KCNJ16: variants seen among roughly 807,000 people sequenced by gnomAD.
KCNJ16 encodes inward rectifier potassium channel 16.
In KCNJ16, 15 loss-of-function variants were observed where a neutral mutation model predicts 18.5. The observed-to-expected ratio is 0.81, with a 90% CI of 0.54 to 1.25. KCNJ16 has a LOEUF of 1.25. Ranked by LOEUF, KCNJ16 falls within the 50% of genes most tolerant of loss-of-function variation. KCNJ16 has a pLI of 0.00. For missense variants in KCNJ16, 523 were observed against 525.7 expected (o/e 0.99, Z 0.05); for synonymous variants, 174 against 186.5 (o/e 0.93, Z 0.55).
chr17:70,111,905 T>G (rs776844969), intron 2 of KCNJ16, among the ~76,000 whole-genome samples: 1 of 152,188 alleles, frequency 6.6e-6, no homozygotes, highest in Non-Finnish European at 1.5e-5. Flanking sequence ...AACCTCTTTT[T>G]CTGTATATAA....
chr17:70,104,589 G>T (rs1297582456), intron 2 of KCNJ16, among the ~76,000 whole-genome samples: 1 of 152,206 alleles, frequency 6.6e-6, no homozygotes, highest in Non-Finnish European at 1.5e-5. Context: ...GGTTGTACAA[G>T]ACCTAGAGGT....
At chr17:70,096,252 A>C (rs2072366834) in intron 1 of KCNJ16, among the ~76,000 whole-genome samples, 1 of 151,992 alleles carries the variant, frequency 6.6e-6, no homozygotes, top group Non-Finnish European at 1.5e-5. Context: ...ATACAGTCTG[A>C]TTTGGGTGGT....
chr17:70,098,466 A>G (rs1399265744), intron 1 of KCNJ16, among the ~76,000 whole-genome samples: 4 of 152,138 alleles, frequency 2.6e-5, no homozygotes, highest in Non-Finnish European at 4.4e-5. Flanking sequence ...TAAAAATTTA[A>G]GATAAATCAT....
At chr17:70,125,502 A>G (rs2073820923) in intron 2 of KCNJ16, among the ~76,000 whole-genome samples, 1 of 152,194 alleles carries the variant, frequency 6.6e-6, no homozygotes, top group Non-Finnish European at 1.5e-5. Flanking sequence ...TATTCTACAG[A>G]GGATGAAACT....
intron 2 of KCNJ16, among the ~76,000 whole-genome samples, chr17:70,109,335 G>C (rs1303157993): frequency 1.3e-5 from 2 of 152,004 alleles, no homozygotes; most frequent in Non-Finnish European, 2.9e-5. Context: ...CATATTTCAT[G>C]GGCATAAAAT....
intron 2 of KCNJ16, among the ~76,000 whole-genome samples, chr17:70,104,475 T>C (rs1462183383): frequency 6.6e-6 from 1 of 152,174 alleles, no homozygotes; most frequent in Admixed American, 6.5e-5. Flanking sequence ...CTGTTTGCCA[T>C]AGGTATAGGG....
At chr17:70,102,215 C>CTTTTTTTTT (rs10600577) in intron 2 of KCNJ16, 2 of 48,128 alleles carry the variant, frequency 4.2e-5, no homozygotes, top group African/African-American at 1.7e-4. Context: ...ACCAAAAGTA[C>CTTTTTTTTT]TTTTTTTTTT....
intron 2 of KCNJ16, among the ~76,000 whole-genome samples, chr17:70,124,943 G>A (rs181197138): frequency 6.7e-6 from 1 of 149,406 alleles, no homozygotes; most frequent in Admixed American, 6.6e-5. Flanking sequence ...AAGGAGCAGG[G>A]GATCTCCCAT....
chr17:70,084,675 C>A (rs2071714480), intron 1 of KCNJ16, among the ~76,000 whole-genome samples: 1 of 152,124 alleles, frequency 6.6e-6, no homozygotes, highest in Middle Eastern at 3.2e-3. Flanking sequence ...TACACTAACC[C>A]CAGTCCTTTT....
chr17:70,095,403 A>G (rs1250195992), intron 1 of KCNJ16, among the ~76,000 whole-genome samples: 2 of 152,124 alleles, frequency 1.3e-5, no homozygotes, highest in African/African-American at 4.8e-5. Context: ...TTCACTTCTA[A>G]CCTAGAACCA....
At chr17:70,104,872 G>T (rs150348809) in intron 2 of KCNJ16, 21 of 152,812 alleles carry the variant, frequency 1.4e-4, no homozygotes, top group African/African-American at 5.1e-4. Context: ...AGTGGCCTTT[G>T]TCTGTGGTGA....
In KCNJ16 at chr17:70,132,324, A is replaced by G. The variant is rs1266167616; in HGVS notation, c.237A>G (p.Leu79=). ...GCCATATGTTTGTGATATTTTCTTTATCTTATATTCTCTCGTGGTTGATAT... is the reference window on the plus strand; with the variant it reads ...GCCATATGTTTGTGATATTTTCTTTGTCTTATATTCTCTCGTGGTTGATAT... ...KWRHMFVIFS[L]SYILSWLIFG... Residue 79 remains leucine, a synonymous_variant, in exon 4 of 4, where the codon TTA becomes TTG. Coordinates refer to ENST00000392671, the MANE Select transcript of KCNJ16 (RefSeq NM_170741.4). 6.2e-7 allele frequency: 1 copy of G among 1,614,110 alleles called. No homozygotes were observed. Among genetic ancestry groups the G allele is most frequent in the Non-Finnish European group, 8.5e-7 (1 of 1,180,022 alleles).
chr17:70,124,916 A>C (rs2073799451), intron 2 of KCNJ16, among the ~76,000 whole-genome samples: 1 of 90,364 alleles, frequency 1.1e-5, no homozygotes, highest in Admixed American at 1.0e-4. Context: ...GTGTGTTCAG[A>C]TATGGGTGTT....
intron 1 of KCNJ16, among the ~76,000 whole-genome samples, chr17:70,093,139 G>A (rs997152872): frequency 1.3e-5 from 2 of 152,198 alleles, no homozygotes; most frequent in African/African-American, 4.8e-5. Flanking sequence ...TCTGAAAAAG[G>A]TGAAATAACC....
Position 70,089,569 on chromosome 17 carries a change from C to T in KCNJ16, c.-299-11089C>T, listed in dbSNP as rs546087282. Among the ~76,000 whole-genome samples the T allele has an allele frequency of 2.0e-5, 3 of 152,226 alleles. No individual in the cohort carries two copies. In the East Asian group the frequency reaches 5.8e-4, roughly 29 times the overall value. On this transcript the variant is annotated intron_variant, in intron 1 of 3. Transcript: ENST00000392671. ...GGAGGCAGTGAAAAAAACATAATGCCTGCAGTTACTGAAGCATAAAACTAC... is the reference window on the plus strand; with the variant it reads ...GGAGGCAGTGAAAAAAACATAATGCTTGCAGTTACTGAAGCATAAAACTAC...
chr17:70,078,982 C>G (rs1431750546), intron 1 of KCNJ16, among the ~76,000 whole-genome samples: 1 of 152,144 alleles, frequency 6.6e-6, no homozygotes, highest in East Asian at 1.9e-4. Flanking sequence ...TAAGAGAACT[C>G]AGACAGTTCT....
In KCNJ16 at chr17:70,097,281, G is replaced by C. The variant is rs147312664; in HGVS notation, c.-299-3377G>C. Among the ~76,000 whole-genome samples the C allele has an allele frequency of 5.6e-3, 860 of 152,238 alleles. 5 individuals carry two copies. Among genetic ancestry groups the C allele is most frequent in the African/African-American group, 0.02 (810 of 41,534 alleles). On this transcript the variant is annotated intron_variant, in intron 1 of 3. Coordinates refer to ENST00000392671, the MANE Select transcript of KCNJ16 (RefSeq NM_170741.4). ...CCACTCTTGTCAGGATTTGTCCTGG[G>C]AAGTTTCTAGCAAACATTTTTGGAG...
At chr17:70,120,932 T>C (rs1188814164) in intron 2 of KCNJ16, among the ~76,000 whole-genome samples, 1 of 152,150 alleles carries the variant, frequency 6.6e-6, no homozygotes, top group East Asian at 1.9e-4. Context: ...AGAAACCAGT[T>C]AGACTTAAAA....
chr17:70,080,479 A>G (rs2071505929), intron 1 of KCNJ16, among the ~76,000 whole-genome samples: 1 of 152,176 alleles, frequency 6.6e-6, no homozygotes, highest in East Asian at 1.9e-4. Flanking sequence ...AGACCGTGGA[A>G]TATTTTGAGC....
Sources: gnomAD v4.1 joint callset for allele counts (sites outside exome capture counted in the v4.1 genomes callset) on GRCh38, gnomAD v4.1.1 for gene constraint, MANE v1.5 for transcripts, NCBI Gene and HGNC (gene_info 2026-07-23, HGNC 2026-07-21) for gene names.